Variants in CSMD3 observed in about 807,000 individuals in gnomAD.
CSMD3 encodes CUB and sushi domain-containing protein 3.
In CSMD3, 177 loss-of-function variants were observed where a neutral mutation model predicts 435.2. That is an observed-to-expected ratio of 0.41 (90% CI 0.36 to 0.46). The LOEUF is 0.46. Among genes scored for constraint, CSMD3 ranks in the 20% least tolerant of loss-of-function variants. CSMD3 has a pLI of 0.34. For synonymous variants in CSMD3, 1,656 were observed against 1,520.5 expected (o/e 1.09, Z -2.07); for missense variants, 4,265 against 4,504.6 (o/e 0.95, Z 1.52).
At chr8:113,334,288 TTTTTTTTCA>T (rs1237344251) in intron 1 of CSMD3, among the ~76,000 whole-genome samples, 2 of 91,644 alleles carry the variant, frequency 2.2e-5, no homozygotes, top group Admixed American at 1.3e-4. Flanking sequence ...TTTTTTTTTT[TTTTTTTTCA>T]TTTCCAGCCT....
intron 1 of CSMD3, among the ~76,000 whole-genome samples, chr8:113,360,880 C>G (rs1179818591): frequency 6.6e-6 from 1 of 152,130 alleles, no homozygotes; most frequent in African/African-American, 2.4e-5. Context: ...GCCGTGACTT[C>G]AGTCTTAATG....
At chr8:113,294,152 T>A (rs1006540030) in intron 2 of CSMD3, among the ~76,000 whole-genome samples, 41 of 152,040 alleles carry the variant, frequency 2.7e-4, no homozygotes, top group Admixed American at 1.2e-3. Flanking sequence ...CTTAATTTAA[T>A]TTTAGCTAAT....
intron 13 of CSMD3, among the ~76,000 whole-genome samples, chr8:112,704,181 T>C (rs939876816): frequency 6.6e-6 from 1 of 151,844 alleles, no homozygotes; most frequent in African/African-American, 2.4e-5. Flanking sequence ...GCTCTCACTA[T>C]GTTGCTCAGA....
chr8:113,238,118 T>G (rs1484231583), intron 3 of CSMD3, among the ~76,000 whole-genome samples: 2 of 150,016 alleles, frequency 1.3e-5, no homozygotes, highest in East Asian at 2.0e-4. Flanking sequence ...GCTAGAGTGA[T>G]GAGAATGGCT....
chr8:112,656,066 G>C lies in CSMD3; in HGVS notation c.3004+88C>G, dbSNP rs964752403. On this transcript the variant is annotated intron_variant, in intron 18 of 70. Transcript: ENST00000297405. ...GGAAAGCTTTGATTTAAAATAAATA[G>C]AGCTAATAGTTCCATTAGTAAAACT... is the stretch of plus-strand genomic sequence containing the variant. 3.7e-5 allele frequency: 27 copies of C among 724,530 alleles called. No homozygotes were observed. In the African/African-American group the frequency reaches 4.8e-4, roughly 13 times the overall value. The allele number at this position is 724,530 out of a possible 1,614,324, so 44.9% of individuals were successfully genotyped here. A position where few individuals can be genotyped will look rare whatever the true frequency, so the allele number is the denominator to read the frequency against.
At chr8:112,986,770 G>A (rs920656302) in intron 6 of CSMD3, among the ~76,000 whole-genome samples, 11 of 152,066 alleles carry the variant, frequency 7.2e-5, no homozygotes, top group Admixed American at 3.3e-4. Context: ...TACAGACACC[G>A]TAAGTGGCAA....
chr8:112,291,733 TA>T, intron 55 of CSMD3, 38 bp from the exon 56 acceptor site: 1 of 1,281,722 alleles, frequency 7.8e-7, no homozygotes, highest in Non-Finnish European at 1.1e-6. Context: ...ATGTTTGGAA[TA>T]ATATACATAT....
At chr8:112,745,964 G>A (rs2077416381) in intron 13 of CSMD3, among the ~76,000 whole-genome samples, 1 of 151,908 alleles carries the variant, frequency 6.6e-6, no homozygotes, top group Admixed American at 6.6e-5. Context: ...TTTTTGCAGG[G>A]AAAATAAATC....
intron 6 of CSMD3, among the ~76,000 whole-genome samples, chr8:113,009,517 CT>C (rs1273860275): frequency 6.6e-6 from 1 of 151,502 alleles, no homozygotes; most frequent in East Asian, 1.9e-4. Flanking sequence ...AAAACATCTG[CT>C]TTGAAAAAAA....
chr8:112,834,279 A>G (rs926087885), intron 11 of CSMD3, among the ~76,000 whole-genome samples: 3 of 151,890 alleles, frequency 2.0e-5, no homozygotes, highest in Admixed American at 2.0e-4. Flanking sequence ...GTGACATACA[A>G]TTACTGAGAA....
chr8:112,652,077 G>GT (rs1199704514), intron 18 of CSMD3, among the ~76,000 whole-genome samples: 2 of 152,092 alleles, frequency 1.3e-5, no homozygotes, highest in South Asian at 2.1e-4. Context: ...GCCAAAACAT[G>GT]TTTTTTCATT....
In CSMD3 at chr8:112,237,243, G is replaced by A; in HGVS notation, c.10574C>T (p.Thr3525Ile). Residue 3525 changes from threonine to isoleucine, a missense_variant, in exon 67 of 71, where the codon ACT (threonine) becomes ATT (isoleucine). Thr to Ile is a moderately conservative substitution (Grantham distance 89, BLOSUM62 -1). This residue lies in a region of CSMD3 where 3,255 missense variants were observed against 3,380.2 expected (regional missense o/e 0.96). Transcript: ENST00000297405. ...TLTVTSFNASTGRVNATLSNS... is the reference protein window; with the variant it reads ...TLTVTSFNASIGRVNATLSNS... ...GCTCAGTGTTGCGTTAACTCTCCCAGTGGAAGCATTGAAACTAGTAACTGT... is the reference window on the plus strand; with the variant it reads ...GCTCAGTGTTGCGTTAACTCTCCCAATGGAAGCATTGAAACTAGTAACTGT... The A allele has an allele frequency of 4.3e-6, 7 of 1,613,556 alleles. No individual in the cohort carries two copies. The highest frequency in any genetic ancestry group is 5.9e-6 in the Non-Finnish European group (7 of 1,179,606).
chr8:112,691,860 G>A (rs1247136527), intron 13 of CSMD3, among the ~76,000 whole-genome samples: 1 of 152,076 alleles, frequency 6.6e-6, no homozygotes, highest in African/African-American at 2.4e-5. Context: ...AAGTGCAGTG[G>A]CGTGATCTCG....
At chr8:112,699,064 T>TG (rs1229423846) in intron 13 of CSMD3, among the ~76,000 whole-genome samples, 1 of 152,046 alleles carries the variant, frequency 6.6e-6, no homozygotes, top group Non-Finnish European at 1.5e-5. Context: ...AGGATGTGGG[T>TG]GGGGCCAAAT....
chr8:112,757,385 T>C (rs1054320360), intron 13 of CSMD3, among the ~76,000 whole-genome samples: 2 of 152,084 alleles, frequency 1.3e-5, no homozygotes, highest in Non-Finnish European at 2.9e-5. Flanking sequence ...TATATTTAGA[T>C]GTATATATAT....
intron 1 of CSMD3, among the ~76,000 whole-genome samples, chr8:113,430,126 C>T (rs184972384): frequency 2.4e-3 from 365 of 152,234 alleles, no homozygotes; most frequent in Non-Finnish European, 4.5e-3. Context: ...CACAGTGTTT[C>T]TCAGCTGTAT....
Position 112,241,741 on chromosome 8 carries a change from T to A in CSMD3, c.10447A>T (p.Thr3483Ser), listed in dbSNP as rs868866189. The change falls in exon 66 of 71, where the codon ACA (threonine) becomes TCA (serine). Residue 3483 changes from threonine to serine, a missense_variant. By Grantham distance (58) the Thr-to-Ser change is moderately conservative. This residue lies in a region of CSMD3 where 3,255 missense variants were observed against 3,380.2 expected (regional missense o/e 0.96). Coordinates refer to ENST00000297405, the MANE Select transcript of CSMD3 (RefSeq NM_198123.2). ...LVKDPRPALG[T>S]PSPKLSVPDD... ...TAACCACTTAGCTTTGGGCTGGGTG[T>A]TCCCAGTGCAGGTCTAGGATCTTTC... 6.2e-7 allele frequency: 1 copy of A among 1,612,612 alleles called. No homozygotes were observed. Among genetic ancestry groups the A allele is most frequent in the South Asian group, 1.1e-5 (1 of 91,060 alleles).
intron 41 of CSMD3, among the ~76,000 whole-genome samples, chr8:112,341,917 A>ACATTT (rs1273390830): frequency 4.6e-5 from 7 of 152,138 alleles, no homozygotes; most frequent in Non-Finnish European, 7.4e-5. Flanking sequence ...AAAAGGAAAA[A>ACATTT]CATTTCATTT....
At chr8:112,617,954 C>T (rs930614151) in intron 22 of CSMD3, among the ~76,000 whole-genome samples, 11 of 152,092 alleles carry the variant, frequency 7.2e-5, no homozygotes, top group Admixed American at 7.2e-4. Flanking sequence ...GACAGGGCAA[C>T]TCCTTTATGT....
Sources: allele counts gnomAD v4.1 joint callset (sites outside exome capture counted in the v4.1 genomes callset), GRCh38; gene constraint gnomAD v4.1.1; regional missense constraint gnomAD v4.1.1; transcripts MANE v1.5; gene names NCBI Gene and HGNC (gene_info 2026-07-23, HGNC 2026-07-21).